NIN: variants seen among roughly 807,000 people sequenced by gnomAD.
The protein encoded by NIN is glycogen synthase kinase 3 beta-interacting protein.
In NIN, 137 loss-of-function variants were observed where a neutral mutation model predicts 257.6. That is an observed-to-expected ratio of 0.53 (90% CI 0.46 to 0.61). The LOEUF is 0.61. NIN is among the 20% of genes least tolerant of loss of function. The pLI is 0.00. For missense variants in NIN, 2,439 were observed against 2,501.2 expected (o/e 0.98, Z 0.53); for synonymous variants, 918 against 919.8 (o/e 1.00, Z 0.04).
chr14:50,742,554 C>T (rs896714585), intron 24 of NIN, among the ~76,000 whole-genome samples: 11 of 151,940 alleles, frequency 7.2e-5, no homozygotes, highest in African/African-American at 1.9e-4. Flanking sequence ...CCACCGCGCT[C>T]GGCTAATTTT....
intron 4 of NIN, among the ~76,000 whole-genome samples, chr14:50,803,284 C>T (rs1244775393): frequency 1.3e-5 from 2 of 152,116 alleles, no homozygotes; most frequent in Admixed American, 6.5e-5. Context: ...ACCTGGGAGG[C>T]GGAGGTTGCA....
intron 6 of NIN, among the ~76,000 whole-genome samples, 168 bp downstream of exon 6, chr14:50,778,597 G>T (rs563944527): frequency 4.5e-4 from 69 of 152,302 alleles, no homozygotes; most frequent in African/African-American, 1.6e-3. Context: ...GATACTAAAT[G>T]CTAGGATTTT....
At chr14:50,745,250 G>A (rs1282932977) in intron 22 of NIN, among the ~76,000 whole-genome samples, 11 of 152,100 alleles carry the variant, frequency 7.2e-5, no homozygotes, top group Admixed American at 1.3e-4. Context: ...GCTTCACAGC[G>A]TCTCTGGCTT....
rs578031138 is a variant in NIN, at chr14:50,813,740, TG to T, written c.184-6923del. On this transcript the variant is annotated intron_variant, in intron 3 of 30. Coordinates refer to ENST00000530997, the MANE Select transcript of NIN (RefSeq NM_020921.4). ...GTTTCCACATGTGTGCAGGCACTAC[TG>T]GAAATAGACCCAAGGTGGGAGAACT... Among the ~76,000 whole-genome samples, 839 of 152,332 alleles carry T rather than the reference TG, an allele frequency of 5.5e-3. 4 individuals are homozygous for T. The highest frequency in any genetic ancestry group is 8.3e-3 in the Non-Finnish European group (567 of 68,020).
intron 6 of NIN, among the ~76,000 whole-genome samples, chr14:50,778,493 A>G (rs2043005101): frequency 6.6e-6 from 1 of 152,234 alleles, no homozygotes; most frequent in African/African-American, 2.4e-5. Flanking sequence ...ATAGGTCACT[A>G]TTTAAGACTG....
Position 50,760,251 on chromosome 14 carries a change from T to C in NIN, c.2005A>G (p.Ile669Val), listed in dbSNP as rs151004369. The C allele has an allele frequency of 7.4e-6, 12 of 1,612,428 alleles. No individual in the cohort carries two copies. The highest frequency in any genetic ancestry group is 1.7e-5 in the Admixed American group (1 of 60,010). ...GCAATTTCATTTTTAAGGTCACTTA[T>C]TTGTTTTTCTAAGGTGTGCGTTTCG... ...ENETHTLEKQ[I>V]SDLKNEIAEL... The change falls in exon 17 of 31, where the codon ATA becomes GTA. Residue 669 changes from isoleucine (I) to valine (V), a missense_variant. This residue lies in a region of NIN where 2,043 missense variants were observed against 2,050.2 expected (regional missense o/e 1.00). Transcript: ENST00000530997.
chr14:50,723,654 C>A lies in NIN; in HGVS notation c.6211G>T (p.Ala2071Ser), dbSNP rs900334059. 1.9e-6 allele frequency: 3 copies of A among 1,613,656 alleles called. No homozygotes were observed. In the African/African-American group the frequency reaches 4.0e-5, roughly 22 times the overall value. The stretch of plus-strand genomic sequence containing the variant: ...TACAAGTCCTTCACCATTGCGTCTG[C>A]CTTAGTGTTCTTGCAGAGCTAGAAA... ...LKEQLCKNTKADAMVKDLYVE... is the reference protein window; with the variant it reads ...LKEQLCKNTKSDAMVKDLYVE... Residue 2071 changes from alanine to serine, a missense_variant, in exon 31 of 31, where the codon GCA becomes TCA. Physicochemically the swap from Ala to Ser is moderately conservative, Grantham distance 99. Coordinates refer to ENST00000530997, the MANE Select transcript of NIN (RefSeq NM_020921.4).
chr14:50,805,299 G>A (rs966751304), intron 4 of NIN, among the ~76,000 whole-genome samples: 2 of 152,110 alleles, frequency 1.3e-5, no homozygotes, highest in African/African-American at 4.8e-5. Context: ...CCAATAAAAT[G>A]AGACCATATA....
intron 25 of NIN, among the ~76,000 whole-genome samples, chr14:50,740,550 A>G (rs920620078): frequency 2.6e-5 from 4 of 151,994 alleles, no homozygotes; most frequent in Non-Finnish European, 5.9e-5. Flanking sequence ...GGGTTTCAAC[A>G]TGTTGGGCAG....
At position 50,757,297 on chromosome 14, in the gene NIN, A is replaced by C; in HGVS notation, c.3733T>G (p.Ser1245Ala). ...LKMLERIPEA[S>A]PKYKLLYEDV... is the part of the protein sequence containing the mutation. ...TCATACAACAGCTTATATTTGGGAG[A>C]AGCCTCAGGGATTCTCTCAAGCATC... Residue 1245 changes from serine to alanine, a missense_variant, in exon 18 of 31, where the codon TCT (serine) becomes GCT (alanine). Transcript: ENST00000530997. 1 of 1,614,068 alleles carries C rather than the reference A, an allele frequency of 6.2e-7. No individual in the cohort carries two copies. Among genetic ancestry groups the C allele is most frequent in the Non-Finnish European group, 8.5e-7 (1 of 1,180,010 alleles).
chr14:50,792,513 G>T, intron 5 of NIN, 199 bp downstream of exon 5: 2 of 594,612 alleles, frequency 3.4e-6, no homozygotes, highest in Non-Finnish European at 5.9e-6. Context: ...CTCTCCAAAA[G>T]CTGAAACGAG....
chr14:50,809,974 G>A (rs1378007045), intron 3 of NIN, among the ~76,000 whole-genome samples: 1 of 152,162 alleles, frequency 6.6e-6, no homozygotes, highest in Non-Finnish European at 1.5e-5. Flanking sequence ...ACAGGACTCT[G>A]TAATCCCAGC....
At chr14:50,742,231 T>C (rs1015721857) in intron 24 of NIN, 4 of 152,188 alleles carry the variant, frequency 2.6e-5, no homozygotes, top group African/African-American at 9.7e-5. Context: ...CTAGGCAAGA[T>C]GGCAAGACCC....
At chr14:50,735,869 A>T (rs1255964134) in intron 27 of NIN, among the ~76,000 whole-genome samples, 10 of 152,162 alleles carry the variant, frequency 6.6e-5, no homozygotes, top group Admixed American at 6.5e-4. Context: ...CACCCACTGT[A>T]AGAAATACGT....
intron 3 of NIN, among the ~76,000 whole-genome samples, chr14:50,818,481 T>A (rs2045039437): frequency 6.6e-6 from 1 of 152,134 alleles, no homozygotes; most frequent in Non-Finnish European, 1.5e-5. Context: ...TAAAACTTGG[T>A]TCATGGTTCC....
intron 2 of NIN, chr14:50,823,062 T>TA (rs1310632576): frequency 2.5e-6 from 1 of 402,748 alleles, no homozygotes; most frequent in Non-Finnish European, 4.9e-6. Flanking sequence ...TTAGGATCAG[T>TA]AAAAACTTGG....
chr14:50,777,211 CTG>C, intron 6 of NIN, 72 bp from the exon 7 acceptor site: 2 of 1,256,224 alleles, frequency 1.6e-6, no homozygotes, highest in Non-Finnish European at 2.2e-6. Context: ...TTAAAGAAAA[CTG>C]TGCTTTTTGA....
chr14:50,721,956 C>A lies in NIN; in HGVS notation c.*1507G>T, dbSNP rs2040278906. 1 of 226,964 alleles carries A rather than the reference C, an allele frequency of 4.4e-6. No homozygotes were observed. Among genetic ancestry groups the A allele is most frequent in the South Asian group, 1.8e-4 (1 of 5,460 alleles). 14.1% of individuals were successfully genotyped at this position (226,964 alleles called of 1,614,324 possible). ...TGGGCAGTTTGCTTTCTCTTGTGTTCCTGCCCATAAAGCAGTGCTTGATTT... is the reference window on the plus strand; with the variant it reads ...TGGGCAGTTTGCTTTCTCTTGTGTTACTGCCCATAAAGCAGTGCTTGATTT... On this transcript the variant is annotated 3_prime_UTR_variant, in exon 31 of 31. Transcript: ENST00000530997.
chr14:50,745,988 C>G (rs1341213262), intron 22 of NIN, among the ~76,000 whole-genome samples: 1 of 150,614 alleles, frequency 6.6e-6, no homozygotes, highest in East Asian at 1.9e-4. Flanking sequence ...CAAAGGCAGA[C>G]CAGGCTCACA....
Sources: gnomAD v4.1 joint callset for allele counts (sites outside exome capture counted in the v4.1 genomes callset) on GRCh38, gnomAD v4.1.1 for gene constraint, gnomAD v4.1.1 regional missense constraint, MANE v1.5 for transcripts, NCBI Gene and HGNC (gene_info 2026-07-23, HGNC 2026-07-21) for gene names.